GRIN3A: variants seen among roughly 807,000 people sequenced by gnomAD.
GRIN3A encodes glutamate receptor ionotropic, NMDA 3A.
GRIN3A carries 47 observed loss-of-function variants against 92.4 expected under a neutral mutation model. That is an observed-to-expected ratio of 0.51 (90% CI 0.40 to 0.65). The LOEUF is 0.65. GRIN3A is among the 30% of genes least tolerant of loss of function. The probability of loss-of-function intolerance (pLI) is 0.00; values close to 1 mark genes in which losing one functional copy is unlikely to be tolerated. For synonymous variants in GRIN3A, 527 were observed against 540.6 expected, an observed-to-expected ratio of 0.97 and a Z score of 0.35; for missense variants, 1,324 against 1,393.1, an observed-to-expected ratio of 0.95 and a Z score of 0.79.
At chr9:101,659,606 G>T (rs4743480) in intron 3 of GRIN3A, among the ~76,000 whole-genome samples, 40,189 of 85,958 alleles carry the variant, frequency 0.47, 12,786 homozygotes, top group African/African-American at 0.58. Context: ...TATGTATTGG[G>T]ATAGCAAATA....
At chr9:101,587,482 T>G (rs1386565418) in intron 6 of GRIN3A, among the ~76,000 whole-genome samples, 1 of 152,114 alleles carries the variant, frequency 6.6e-6, no homozygotes, top group Non-Finnish European at 1.5e-5. Context: ...TTTTAGGAAG[T>G]CTTCTCTGAC....
chr9:101,701,877 GTC>G (rs1373989777), intron 1 of GRIN3A, among the ~76,000 whole-genome samples: 2 of 151,998 alleles, frequency 1.3e-5, no homozygotes, highest in East Asian at 3.9e-4. Context: ...TGTATCAGCA[GTC>G]TCTCTCTATC....
intron 3 of GRIN3A, among the ~76,000 whole-genome samples, chr9:101,638,573 G>T (rs941572075): frequency 1.3e-5 from 2 of 152,108 alleles, no homozygotes; most frequent in African/African-American, 4.8e-5. Context: ...CAACACTATT[G>T]GTGTTTCCAC....
intron 2 of GRIN3A, among the ~76,000 whole-genome samples, chr9:101,671,812 A>T (rs1275703188): frequency 6.6e-6 from 1 of 152,178 alleles, no homozygotes; most frequent in Non-Finnish European, 1.5e-5. Context: ...CCAAGTCATT[A>T]GAGAGAAACA....
At chr9:101,649,800 C>T (rs1828988018) in intron 3 of GRIN3A, among the ~76,000 whole-genome samples, 1 of 151,968 alleles carries the variant, frequency 6.6e-6, no homozygotes, top group South Asian at 2.1e-4. Context: ...CTGATGCACA[C>T]CAGGGCTTAA....
intron 1 of GRIN3A, among the ~76,000 whole-genome samples, chr9:101,723,371 C>A (rs574069160): frequency 6.6e-6 from 1 of 151,790 alleles, no homozygotes; most frequent in South Asian, 2.1e-4. Flanking sequence ...TCGTTCCTCC[C>A]GGTGGGCTTG....
chr9:101,698,742 C>T (rs1829715261), intron 1 of GRIN3A, among the ~76,000 whole-genome samples: 1 of 152,100 alleles, frequency 6.6e-6, no homozygotes, highest in South Asian at 2.1e-4. Context: ...ATCTTTGTCT[C>T]ACTATAACCT....
intron 1 of GRIN3A, among the ~76,000 whole-genome samples, chr9:101,699,522 G>A (rs1329027453): frequency 1.3e-5 from 2 of 152,200 alleles, no homozygotes; most frequent in Admixed American, 1.3e-4. Flanking sequence ...GCACATGACT[G>A]TATTTCTGGA....
At chr9:101,736,861 A>T (rs1451089533) in intron 1 of GRIN3A, among the ~76,000 whole-genome samples, 4 of 152,026 alleles carry the variant, frequency 2.6e-5, no homozygotes, top group Non-Finnish European at 5.9e-5. Context: ...TGCTCTTGGG[A>T]GTGTGACACC....
chr9:101,718,057 C>A (rs1464991081), intron 1 of GRIN3A, among the ~76,000 whole-genome samples: 1 of 152,154 alleles, frequency 6.6e-6, no homozygotes, highest in Non-Finnish European at 1.5e-5. Context: ...CATCACCATA[C>A]CTTGACATAT....
At chr9:101,615,122 G>A (rs765702720) in intron 5 of GRIN3A, among the ~76,000 whole-genome samples, 47 of 150,352 alleles carry the variant, frequency 3.1e-4, no homozygotes, top group Non-Finnish European at 5.2e-4. Flanking sequence ...TTACTATACT[G>A]TTAATCTCTT....
At chr9:101,667,291 C>A (rs1205022568) in intron 3 of GRIN3A, among the ~76,000 whole-genome samples, 2 of 151,786 alleles carry the variant, frequency 1.3e-5, no homozygotes, top group African/African-American at 4.8e-5. Context: ...AGTATTACCT[C>A]CAAGCAATTC....
chr9:101,606,528 A>T (rs1257795688), intron 6 of GRIN3A, among the ~76,000 whole-genome samples: 1 of 152,050 alleles, frequency 6.6e-6, no homozygotes, highest in Non-Finnish European at 1.5e-5. Flanking sequence ...AGATGTGGTA[A>T]TGGCTCCCTC....
Position 101,573,148 on chromosome 9 carries a change from C to T in GRIN3A, c.*26G>A. Reference sequence around the variant, plus strand: ...CAAGGGCTCAGAGGAAGGTCAGGAACTGAGAAAGGGAAGCAGTGTGGTCAC... The same window carrying T: ...CAAGGGCTCAGAGGAAGGTCAGGAATTGAGAAAGGGAAGCAGTGTGGTCAC... On this transcript the variant is annotated 3_prime_UTR_variant, in exon 9 of 9. Transcript: ENST00000361820. The T allele has an allele frequency of 2.5e-6, 4 of 1,586,996 alleles. No individual in the cohort carries two copies. Among genetic ancestry groups the T allele is most frequent in the Non-Finnish European group, 3.5e-6 (4 of 1,155,360 alleles).
chr9:101,717,975 G>A (rs1020098414), intron 1 of GRIN3A, among the ~76,000 whole-genome samples: 4 of 152,116 alleles, frequency 2.6e-5, no homozygotes, highest in Non-Finnish European at 5.9e-5. Flanking sequence ...TAAATTCTAG[G>A]TGGTCAGGAG....
intron 6 of GRIN3A, 144 bp from the exon 7 acceptor site, chr9:101,579,504 A>G: frequency 1.2e-6 from 1 of 841,688 alleles, no homozygotes; most frequent in Non-Finnish European, 1.9e-6. Flanking sequence ...GTGTTCTGTG[A>G]CCTTCATTAT....
At chr9:101,660,330 T>G (rs369098530) in intron 3 of GRIN3A, among the ~76,000 whole-genome samples, 1 of 151,886 alleles carries the variant, frequency 6.6e-6, no homozygotes, top group South Asian at 2.1e-4. Context: ...TACAATGTCC[T>G]GGCTCAAACA....
chr9:101,707,744 C>A (rs1484999664), intron 1 of GRIN3A, among the ~76,000 whole-genome samples: 1 of 152,014 alleles, frequency 6.6e-6, no homozygotes, highest in South Asian at 2.1e-4. Context: ...TGGCAAGCAA[C>A]CACAGTTAAG....
chr9:101,670,491 C>A lies in GRIN3A; in HGVS notation c.1921G>T (p.Val641Leu), dbSNP rs1360008284. The change falls in exon 3 of 9, where the codon GTG (valine) becomes TTG (leucine). Residue 641 changes from valine (V) to leucine (L), a missense_variant. Val to Leu is a conservative substitution (Grantham distance 32, BLOSUM62 1). Transcript: ENST00000361820. ...AAGAAAGGGCTGGTGAAATCTATCA[C>A]CTGGCTCCGTGCAGTATTGATGCTA... ...SFSINTARSQ[V>L]IDFTSPFFST... 21 of 1,613,854 alleles carry A rather than the reference C, an allele frequency of 1.3e-5. No individual in the cohort carries two copies. Among genetic ancestry groups the A allele is most frequent in the Non-Finnish European group, 1.8e-5 (21 of 1,179,966 alleles).
Sources: gnomAD v4.1 joint callset for allele counts (sites outside exome capture counted in the v4.1 genomes callset) on GRCh38, gnomAD v4.1.1 for gene constraint, MANE v1.5 for transcripts, NCBI Gene and HGNC (gene_info 2026-07-23, HGNC 2026-07-21) for gene names.